The following COL14A1 variants were observed in gnomAD, a reference collection of about 807,000 sequenced individuals.
COL14A1 encodes collagen alpha-1(XIV) chain.
In COL14A1, 136 loss-of-function variants were observed where a neutral mutation model predicts 230.3. The ratio of observed to expected loss-of-function variants is 0.59; its 90% CI spans 0.51 to 0.68. The LOEUF is 0.68. Ranked by LOEUF, COL14A1 falls within the 30% of genes least tolerant of loss-of-function variation. The probability of loss-of-function intolerance (pLI) is 0.00; values close to 1 mark genes in which losing one functional copy is unlikely to be tolerated. For missense variants in COL14A1, 1,976 were observed against 2,215.8 expected, an observed-to-expected ratio of 0.89 and a Z score of 2.17; for synonymous variants, 792 against 784.1, an observed-to-expected ratio of 1.01 and a Z score of -0.17.
At chr8:120,284,726 C>G (rs1426684070) in intron 32 of COL14A1, among the ~76,000 whole-genome samples, 1 of 152,106 alleles carries the variant, frequency 6.6e-6, no homozygotes, top group Non-Finnish European at 1.5e-5. Flanking sequence ...TTACTAACTT[C>G]ATATATACCT....
chr8:120,143,586 G>A lies in COL14A1; in HGVS notation c.-37-4220G>A, dbSNP rs369633731. On this transcript the variant is annotated intron_variant, in intron 1 of 47. Coordinates refer to ENST00000297848, the MANE Select transcript of COL14A1 (RefSeq NM_021110.4). ...GCAGAGGTTGCAGTGGGCCGAGATC[G>A]CACCACTGCACTCCAGCCTGGGCAA... Among the ~76,000 whole-genome samples the A allele has an allele frequency of 1.3e-4, 20 of 152,118 alleles. 1 individual carries two copies. Among genetic ancestry groups the A allele is most frequent in the East Asian group, 1.2e-3 (6 of 5,172 alleles).
intron 1 of COL14A1, among the ~76,000 whole-genome samples, chr8:120,136,871 A>G (rs1482300695): frequency 6.7e-6 from 1 of 149,842 alleles, no homozygotes; most frequent in African/African-American, 2.5e-5. Flanking sequence ...AGGCTGAGAC[A>G]GGAGAATTGC....
In COL14A1 at chr8:120,226,721, A is replaced by G. The variant is rs778406611; in HGVS notation, c.1959A>G (p.Leu653=). 1.1e-5 allele frequency: 17 copies of G among 1,613,776 alleles called. No individual in the cohort carries two copies. In the East Asian group the frequency reaches 2.7e-4, roughly 25 times the overall value. Residue 653 remains leucine (L), a synonymous_variant, in exon 16 of 48, where the codon CTA becomes CTG. Coordinates refer to ENST00000297848, the MANE Select transcript of COL14A1 (RefSeq NM_021110.4). ...TWHPLSADEG[L]HKLMWIPVYG... Reference sequence around the variant, plus strand: ...ATCCCCTCTCAGCTGATGAAGGGCTACACAAATTGATGTGGATTCCAGTCT... The same window carrying G: ...ATCCCCTCTCAGCTGATGAAGGGCTGCACAAATTGATGTGGATTCCAGTCT...
intron 5 of COL14A1, among the ~76,000 whole-genome samples, chr8:120,190,438 C>T (rs919728060): frequency 6.6e-6 from 1 of 152,062 alleles, no homozygotes; most frequent in African/African-American, 2.4e-5. Flanking sequence ...TGTAGGTTGC[C>T]TGTTCACTCT....
At chr8:120,181,913 CT>C (rs1816476806) in intron 5 of COL14A1, among the ~76,000 whole-genome samples, 1 of 152,158 alleles carries the variant, frequency 6.6e-6, no homozygotes, top group African/African-American at 2.4e-5. Flanking sequence ...GATGGCACCA[CT>C]GCACTCCAGC....
intron 45 of COL14A1, among the ~76,000 whole-genome samples, chr8:120,348,635 C>T (rs1165837474): frequency 6.6e-6 from 1 of 152,104 alleles, no homozygotes; most frequent in Non-Finnish European, 1.5e-5. Context: ...CACTAATGAA[C>T]TTATGTAACC....
At chr8:120,271,980 G>A (rs1024126901) in intron 26 of COL14A1, among the ~76,000 whole-genome samples, 2 of 151,572 alleles carry the variant, frequency 1.3e-5, no homozygotes, top group Non-Finnish European at 3.0e-5. Context: ...GATCATGGTG[G>A]CCTGGACTAG....
At chr8:120,221,701 A>G (rs1394534324) in intron 14 of COL14A1, among the ~76,000 whole-genome samples, 1 of 152,156 alleles carries the variant, frequency 6.6e-6, no homozygotes, top group Non-Finnish European at 1.5e-5. Context: ...ACATATTTGA[A>G]ACTTAGAAAC....
At chr8:120,295,346 C>T (rs1289859166) in intron 34 of COL14A1, among the ~76,000 whole-genome samples, 2 of 151,826 alleles carry the variant, frequency 1.3e-5, no homozygotes, top group African/African-American at 4.8e-5. Flanking sequence ...TCAAACAGAA[C>T]TAAGCCTTCA....
intron 45 of COL14A1, among the ~76,000 whole-genome samples, chr8:120,347,417 G>C (rs543918398): frequency 6.6e-6 from 1 of 152,300 alleles, no homozygotes; most frequent in Non-Finnish European, 1.5e-5. Flanking sequence ...GGGGAAAGGT[G>C]ATTTTAGTTG....
At chr8:120,155,180 TG>T (rs1476602969) in intron 2 of COL14A1, among the ~76,000 whole-genome samples, 1 of 152,216 alleles carries the variant, frequency 6.6e-6, no homozygotes, top group Admixed American at 6.5e-5. Context: ...ATAATGATAT[TG>T]TTTTTGGCTA....
intron 2 of COL14A1, among the ~76,000 whole-genome samples, chr8:120,149,737 G>A (rs1815214933): frequency 6.7e-6 from 1 of 149,838 alleles, no homozygotes; most frequent in African/African-American, 2.5e-5. Context: ...TCCCAGGCTG[G>A]AGTGCAATGG....
intron 23 of COL14A1, among the ~76,000 whole-genome samples, chr8:120,262,035 A>T (rs554507121): frequency 6.6e-6 from 1 of 152,260 alleles, no homozygotes; most frequent in Non-Finnish European, 1.5e-5. Context: ...TCTGAGACCC[A>T]TACCTGTATC....
intron 31 of COL14A1, among the ~76,000 whole-genome samples, chr8:120,281,288 G>A (rs138848184): frequency 3.7e-4 from 57 of 152,232 alleles, no homozygotes; most frequent in South Asian, 1.5e-3. Flanking sequence ...ATTGCTGGAT[G>A]CTGTGGCTCA....
At chr8:120,150,341 A>G (rs1408047799) in intron 2 of COL14A1, among the ~76,000 whole-genome samples, 1 of 152,196 alleles carries the variant, frequency 6.6e-6, no homozygotes, top group Non-Finnish European at 1.5e-5. Context: ...TCATTAAAAT[A>G]TACTAAATTG....
chr8:120,314,053 G>T (rs368021843), intron 38 of COL14A1, 26 bp downstream of exon 38: 5 of 1,481,898 alleles, frequency 3.4e-6, no homozygotes, highest in Non-Finnish European at 4.6e-6. Context: ...ACATTCAGAC[G>T]GGTTTTATTG....
chr8:120,279,964 G>C lies in COL14A1; in HGVS notation c.3511G>C (p.Asp1171His), dbSNP rs778554115. ...TAGCATTTTTGCAATTGGTGTGGCC[G>C]ATGCAGATTACTCGGAGTTGGTTAG... ...GYSIFAIGVA[D>H]ADYSELVSIG... Residue 1171 changes from aspartate to histidine, a missense_variant, in exon 29 of 48, where the codon GAT becomes CAT. Transcript: ENST00000297848. The C allele has an allele frequency of 2.5e-6, 4 of 1,613,556 alleles. No homozygotes were observed. The highest frequency in any genetic ancestry group is 3.4e-6 in the Non-Finnish European group (4 of 1,179,816).
intron 40 of COL14A1, among the ~76,000 whole-genome samples, chr8:120,323,794 G>A (rs1355606772): frequency 6.6e-6 from 1 of 152,122 alleles, no homozygotes; most frequent in East Asian, 1.9e-4. Context: ...TCTTGTACAA[G>A]TACCATGTTC....
intron 45 of COL14A1, among the ~76,000 whole-genome samples, chr8:120,360,518 G>A (rs995089518): frequency 7.9e-5 from 12 of 152,088 alleles, no homozygotes; most frequent in Non-Finnish European, 1.2e-4. Context: ...AAGCCTTTGC[G>A]CATGCATGTT....
Sources: allele counts gnomAD v4.1 joint callset (sites outside exome capture counted in the v4.1 genomes callset), GRCh38; gene constraint gnomAD v4.1.1; transcripts MANE v1.5; gene names NCBI Gene and HGNC (gene_info 2026-07-23, HGNC 2026-07-21).